DSC3: variants seen among roughly 807,000 people sequenced by gnomAD.
DSC3 encodes the protein desmocollin 3, also known as desmocollin-3.
A neutral mutation model predicts 89.5 loss-of-function variants in DSC3; 97 were observed. That is an observed-to-expected ratio of 1.08 (90% CI 0.92 to 1.28). The LOEUF (loss-of-function observed/expected upper bound fraction) is 1.28, where lower values mean the gene tolerates loss of function less well. Ranked by LOEUF, DSC3 falls within the 50% of genes most tolerant of loss-of-function variation. The pLI is 0.00. For synonymous variants in DSC3, 436 were observed against 384.1 expected (o/e 1.14, Z -1.58); for missense variants, 1,199 against 1,085.3 (o/e 1.10, Z -1.47).
At chr18:31,034,584 A>G (rs1408922780) in intron 1 of DSC3, among the ~76,000 whole-genome samples, 2 of 152,238 alleles carry the variant, frequency 1.3e-5, no homozygotes, top group Non-Finnish European at 2.9e-5. Context: ...TTCACAGTAC[A>G]TACCATTATT....
chr18:31,030,646 AAG>A (rs1241969853), intron 3 of DSC3, among the ~76,000 whole-genome samples: 1 of 149,646 alleles, frequency 6.7e-6, no homozygotes, highest in African/African-American at 2.6e-5. Context: ...AGTGTTAAGA[AAG>A]AGAGAGAGGG....
rs1908138 is a variant in DSC3, at chr18:31,003,972, T to G, written c.2113+170A>C. On this transcript the variant is annotated intron_variant, in intron 13 of 15. Transcript: ENST00000360428. Reference sequence around the variant, plus strand: ...AAGTCTTTTATCTCAAGAAGGATCATGTTCCCGTCACAGAAAATATTCAAA... The same window carrying G: ...AAGTCTTTTATCTCAAGAAGGATCAGGTTCCCGTCACAGAAAATATTCAAA... Among the ~76,000 whole-genome samples, 18,998 of 152,258 alleles carry G rather than the reference T, an allele frequency of 0.12. 1,421 individuals carry two copies. The highest frequency in any genetic ancestry group is 0.21 in the African/African-American group (8,584 of 41,536).
At chr18:31,032,591 CGT>C (rs761820426) in intron 1 of DSC3, among the ~76,000 whole-genome samples, 26 of 111,766 alleles carry the variant, frequency 2.3e-4, no homozygotes, top group Non-Finnish European at 2.9e-4. Context: ...TGTGTGTGTG[CGT>C]GTGCGTGTGC....
At position 30,992,133 on chromosome 18, in the gene DSC3, TCCA is replaced by T. The variant is rs1204411561; in HGVS notation, c.*2039_*2041del. On this transcript the variant is annotated 3_prime_UTR_variant, in exon 16 of 16. Coordinates refer to ENST00000360428, the MANE Select transcript of DSC3 (RefSeq NM_001941.5). ...TGAGCAGAGATCGGAGCCACTGCAC[TCCA>T]GCCTGTGCGTCAGAGCGAGACTCCG... 6.0e-5 allele frequency: 7 copies of T among 115,986 alleles called. No homozygotes were observed. Among genetic ancestry groups the T allele is most frequent in the African/African-American group, 2.3e-4 (7 of 30,720 alleles). 7.2% of individuals were successfully genotyped at this position (115,986 alleles called of 1,614,324 possible). A position where few individuals can be genotyped will look rare whatever the true frequency, so the allele number is the denominator to read the frequency against.
intron 9 of DSC3, among the ~76,000 whole-genome samples, chr18:31,011,969 C>A (rs77777545): frequency 4.5e-4 from 23 of 51,560 alleles, no homozygotes; most frequent in African/African-American, 6.2e-4. Context: ...ACTCCATCTC[C>A]AAAAAAAAAA....
intron 9 of DSC3, among the ~76,000 whole-genome samples, chr18:31,013,870 T>C (rs1479890121): frequency 6.6e-6 from 1 of 152,182 alleles, no homozygotes; most frequent in Admixed American, 6.5e-5. Context: ...AGCCATGTCC[T>C]TGACTAAGCA....
chr18:31,001,618 C>A lies in DSC3; in HGVS notation c.2235G>T (p.Val745=), dbSNP rs1216017211. 8 of 1,608,088 alleles carry A rather than the reference C, an allele frequency of 5.0e-6. No individual in the cohort carries two copies. The highest frequency in any genetic ancestry group is 6.8e-6 in the Non-Finnish European group (8 of 1,176,422). The part of the protein sequence containing the change: ...SNTEAPGDDR[V]CSANGFMTQT... ...ACATATTTATTTAAAAATTACTTAC[C>A]ACTCTATCGTCTCCAGGTGCTTCTG... The change falls in exon 14 of 16, where the codon GTG becomes GTT. Residue 745 remains valine, a splice_region_variant and synonymous_variant. Transcript: ENST00000360428.
intron 9 of DSC3, among the ~76,000 whole-genome samples, chr18:31,011,969 C>CAA (rs371759932): frequency 0.22 from 11,449 of 51,470 alleles, 2,345 homozygotes; most frequent in African/African-American, 0.39. Flanking sequence ...ACTCCATCTC[C>CAA]AAAAAAAAAA....
At chr18:31,037,471 C>T (rs1234578687) in intron 1 of DSC3, among the ~76,000 whole-genome samples, 1 of 152,192 alleles carries the variant, frequency 6.6e-6, no homozygotes, top group Non-Finnish European at 1.5e-5. Context: ...AACACCTGTA[C>T]TGACCATTAT....
At chr18:31,015,629 T>C (rs995000171) in intron 9 of DSC3, among the ~76,000 whole-genome samples, 2 of 152,174 alleles carry the variant, frequency 1.3e-5, no homozygotes, top group African/African-American at 4.8e-5. Flanking sequence ...ATAACAATAA[T>C]GATAGAGTTT....
chr18:31,007,982 T>C (rs562050808), intron 11 of DSC3, 34 bp downstream of exon 11: 285 of 1,546,134 alleles, frequency 1.8e-4, no homozygotes, highest in Non-Finnish European at 2.3e-4. Context: ...CTCTAATTCC[T>C]TTATAGAATA....
chr18:31,026,767 C>T (rs1985612368), intron 4 of DSC3, among the ~76,000 whole-genome samples: 2 of 152,038 alleles, frequency 1.3e-5, no homozygotes, highest in African/African-American at 4.8e-5. Context: ...GAAAGGATTT[C>T]TCAGTCACCC....
chr18:31,007,660 C>A (rs1984899923), intron 11 of DSC3, among the ~76,000 whole-genome samples: 1 of 152,086 alleles, frequency 6.6e-6, no homozygotes, highest in Admixed American at 6.6e-5. Context: ...ATCATTTTGA[C>A]CTAATATGCA....
rs181748217 is a variant in DSC3, at chr18:31,001,581, G to A, written c.2235+37C>T. The A allele has an allele frequency of 1.1e-4, 174 of 1,597,522 alleles. No individual in the cohort carries two copies. The East Asian group carries it at 1.9e-3, about 17-fold the overall frequency. Reference sequence around the variant, plus strand: ...GTTTATGAGGATGAATTAAATTATCGGAGATACAAATACATATTTATTTAA... The same window carrying A: ...GTTTATGAGGATGAATTAAATTATCAGAGATACAAATACATATTTATTTAA... On this transcript the variant is annotated intron_variant, in intron 14 of 15. Transcript: ENST00000360428.
rs1984382530 is a variant in DSC3, at chr18:30,994,343, G to C, written c.2523C>G (p.Asp841Glu). ...GGACATAATCTTGGGATGGCATGCG[G>C]TCTTCATTCTGATTACATCGATGCA... The part of the protein sequence containing the change: ...EKLHRCNQNE[D>E]RMPSQDYVLT... Residue 841 changes from aspartate to glutamate, a missense_variant, in exon 16 of 16, where the codon GAC (aspartate) becomes GAG (glutamate). By Grantham distance (45) the Asp-to-Glu change is conservative. Coordinates refer to ENST00000360428, the MANE Select transcript of DSC3 (RefSeq NM_001941.5). 1 of 1,614,016 alleles carries C rather than the reference G, an allele frequency of 6.2e-7. No homozygotes were observed. Among genetic ancestry groups the C allele is most frequent in the South Asian group, 1.1e-5 (1 of 91,060 alleles).
At chr18:31,016,876 G>C (rs1985252791) in intron 9 of DSC3, among the ~76,000 whole-genome samples, 1 of 152,166 alleles carries the variant, frequency 6.6e-6, no homozygotes, top group Non-Finnish European at 1.5e-5. Flanking sequence ...ATGCAGACTA[G>C]ATTGGCTTTT....
intron 7 of DSC3, 131 bp downstream of exon 7, chr18:31,022,205 G>T (rs375797070): frequency 1.8e-6 from 2 of 1,120,078 alleles, no homozygotes; most frequent in Non-Finnish European, 2.5e-6. Context: ...AGAAAAAATT[G>T]TTAGGAATTC....
rs556974358 is a variant in DSC3 at position 31,042,595 on chromosome 18, G to A, written c.66C>T (p.Leu22=). Residue 22 remains leucine (L), a synonymous_variant, in exon 1 of 16, where the codon CTC becomes CTT. Coordinates refer to ENST00000360428, the MANE Select transcript of DSC3 (RefSeq NM_001941.5). The stretch of plus-strand genomic sequence containing the variant: ...TATCCGGCGAGATCTGGCTTACCAC[G>A]AGGGTCAGCAGCAGATGCAGGCAGA... ...GAVCLHLLLT[L]VIFSRAGEAC... 6.4e-7 allele frequency: 1 copy of A among 1,550,462 alleles called. No individual in the cohort carries two copies.
intron 8 of DSC3, 54 bp from the exon 9 acceptor site, chr18:31,018,310 A>G: frequency 7.0e-7 from 1 of 1,435,116 alleles, no homozygotes; most frequent in Non-Finnish European, 9.5e-7. Context: ...AGACAACTTT[A>G]AAAAAAAGTT....
Sources: allele counts gnomAD v4.1 joint callset (sites outside exome capture counted in the v4.1 genomes callset), GRCh38; gene constraint gnomAD v4.1.1; transcripts MANE v1.5; gene names NCBI Gene and HGNC (gene_info 2026-07-23, HGNC 2026-07-21).